The following TUSC3 variants were observed in gnomAD, a reference collection of about 807,000 sequenced individuals.
The protein encoded by TUSC3 is tumor suppressor candidate 3.
TUSC3 carries 45 observed loss-of-function variants against 44.8 expected under a neutral mutation model. The observed-to-expected ratio is 1.00, with a 90% CI of 0.79 to 1.29. The LOEUF (loss-of-function observed/expected upper bound fraction) is 1.29, where lower values mean the gene tolerates loss of function less well. Ranked by LOEUF, TUSC3 falls within the 50% of genes most tolerant of loss-of-function variation. TUSC3 has a pLI of 0.00. For synonymous variants in TUSC3, 212 were observed against 152.9 expected (o/e 1.39, Z -2.85); for missense variants, 519 against 437.9 (o/e 1.19, Z -1.65).
At chr8:15,453,027 G>A (rs1800214466) in intron 1 of TUSC3, among the ~76,000 whole-genome samples, 1 of 151,876 alleles carries the variant, frequency 6.6e-6, no homozygotes, top group Non-Finnish European at 1.5e-5. Context: ...GTACCCTGAG[G>A]AACTGCATAA....
chr8:15,827,730 C>T, the TUSC3 span, among the ~76,000 whole-genome samples: 1 of 152,050 alleles, frequency 6.6e-6, no homozygotes, highest in African/African-American at 2.4e-5. Context: ...AACCATTTGC[C>T]CCAGAAAAAG....
the TUSC3 span, among the ~76,000 whole-genome samples, chr8:15,785,468 C>A: frequency 8.1e-6 from 1 of 123,198 alleles, no homozygotes; most frequent in African/African-American, 3.2e-5. Context: ...TTTTTTTTTT[C>A]TATTCAGTCA....
intron 1 of TUSC3, among the ~76,000 whole-genome samples, chr8:15,611,048 T>G (rs1804740469): frequency 6.6e-6 from 1 of 152,230 alleles, no homozygotes; most frequent in South Asian, 2.1e-4. Context: ...ATTTCTCTAT[T>G]TCTCATTAGA....
chr8:15,454,764 G>C lies in TUSC3; in HGVS notation n.92-28622G>C, dbSNP rs188294872. Among the ~76,000 whole-genome samples the C allele has an allele frequency of 1.5e-4, 23 of 152,262 alleles. 1 individual carries two copies. The highest frequency in any genetic ancestry group is 5.1e-4 in the African/African-American group (21 of 41,544). On this transcript the variant is annotated intron_variant and non_coding_transcript_variant, in intron 1 of 5. Transcript: ENST00000503191. The stretch of plus-strand genomic sequence containing the variant: ...CAAGTCTTGCAGCAAAGTAGGTAAA[G>C]TGTGGAAGCTTATATAGTAAACTTG...
At chr8:15,712,176 A>C (rs1809880085) in intron 6 of TUSC3, among the ~76,000 whole-genome samples, 1 of 152,022 alleles carries the variant, frequency 6.6e-6, no homozygotes, top group South Asian at 2.1e-4. Context: ...TTTGAAAAAT[A>C]AGATTAGAGG....
chr8:15,586,099 TA>T (rs1803590256), intron 1 of TUSC3, among the ~76,000 whole-genome samples: 1 of 129,968 alleles, frequency 7.7e-6, no homozygotes, highest in Admixed American at 7.5e-5. Context: ...ATGGAATGAT[TA>T]ACAGTGCTAA....
the TUSC3 span, among the ~76,000 whole-genome samples, chr8:15,782,401 C>A: frequency 6.6e-6 from 1 of 152,060 alleles, no homozygotes; most frequent in South Asian, 2.1e-4. Context: ...ATCAGTTGGG[C>A]TCAGGAATTT....
chr8:15,541,748 A>AT (rs1005058050), intron 1 of TUSC3, among the ~76,000 whole-genome samples: 17 of 151,760 alleles, frequency 1.1e-4, no homozygotes, highest in African/African-American at 2.7e-4. Context: ...TAAATTAATG[A>AT]TTTTTTTTAG....
chr8:15,607,812 T>C (rs1042640833), intron 1 of TUSC3, among the ~76,000 whole-genome samples: 4 of 152,162 alleles, frequency 2.6e-5, no homozygotes, highest in African/African-American at 9.7e-5. Context: ...ATTGATTGAC[T>C]ATATGCTATT....
At chr8:15,692,553 T>C (rs527316480) in intron 6 of TUSC3, among the ~76,000 whole-genome samples, 1 of 152,032 alleles carries the variant, frequency 6.6e-6, no homozygotes, top group African/African-American at 2.4e-5. Flanking sequence ...AGGGATTCAC[T>C]TTCTTCCTGG....
intron 1 of TUSC3, among the ~76,000 whole-genome samples, chr8:15,611,710 G>C (rs192442853): frequency 6.6e-6 from 1 of 152,120 alleles, no homozygotes; most frequent in Non-Finnish European, 1.5e-5. Flanking sequence ...GCCTTTAAAG[G>C]TAGTGGTGGT....
At chr8:15,819,885 GT>G in the TUSC3 span, among the ~76,000 whole-genome samples, 1 of 152,062 alleles carries the variant, frequency 6.6e-6, no homozygotes, top group African/African-American at 2.4e-5. Context: ...TTGTCCTATT[GT>G]TTTTTCATTT....
intron 6 of TUSC3, among the ~76,000 whole-genome samples, chr8:15,725,445 C>CA (rs1442013547): frequency 5.9e-5 from 9 of 152,130 alleles, no homozygotes; most frequent in Non-Finnish European, 1.2e-4. Flanking sequence ...CATAAATTTA[C>CA]AAAAACAAAT....
At chr8:15,492,660 G>A (rs1800823905) in intron 2 of TUSC3, among the ~76,000 whole-genome samples, 1 of 151,912 alleles carries the variant, frequency 6.6e-6, no homozygotes. Flanking sequence ...TAACAGGCTG[G>A]GCACAGTGGC....
chr8:15,815,865 G>T, the TUSC3 span, among the ~76,000 whole-genome samples: 1 of 152,124 alleles, frequency 6.6e-6, no homozygotes, highest in Non-Finnish European at 1.5e-5. Flanking sequence ...ATTGTTTCCA[G>T]GGAAAATTCC....
At chr8:15,813,742 T>C in the TUSC3 span, among the ~76,000 whole-genome samples, 13 of 152,242 alleles carry the variant, frequency 8.5e-5, no homozygotes, top group African/African-American at 3.1e-4. Flanking sequence ...TGGATCAAGA[T>C]AGCTTATTAA....
At chr8:15,467,542 A>G (rs1282026548) in intron 1 of TUSC3, among the ~76,000 whole-genome samples, 1 of 152,172 alleles carries the variant, frequency 6.6e-6, no homozygotes, top group Non-Finnish European at 1.5e-5. Context: ...CTGAACTGCC[A>G]GTTTCATTGG....
At chr8:15,649,220 G>A (rs1806774288) in intron 2 of TUSC3, among the ~76,000 whole-genome samples, 1 of 150,978 alleles carries the variant, frequency 6.6e-6, no homozygotes, top group Non-Finnish European at 1.5e-5. Flanking sequence ...GTTTTTTTTC[G>A]TTGCGGTGGG....
intron 6 of TUSC3, among the ~76,000 whole-genome samples, chr8:15,676,232 T>A (rs1410740804): frequency 6.6e-6 from 1 of 152,186 alleles, no homozygotes; most frequent in Admixed American, 6.5e-5. Context: ...GTATGATGTG[T>A]GGAGCATCTT....
Sources: allele counts gnomAD v4.1 joint callset (sites outside exome capture counted in the v4.1 genomes callset), GRCh38; gene constraint gnomAD v4.1.1; transcripts MANE v1.5; gene names NCBI Gene and HGNC (gene_info 2026-07-23, HGNC 2026-07-21).